Variants in TRIP12 observed in about 807,000 individuals in gnomAD.
TRIP12 encodes thyroid hormone receptor interactor 12.
TRIP12 carries 25 observed loss-of-function variants against 244.2 expected under a neutral mutation model. The ratio of observed to expected loss-of-function variants is 0.10; its 90% CI spans 0.07 to 0.14. The LOEUF (loss-of-function observed/expected upper bound fraction) is 0.14. TRIP12 is among the 10% of genes least tolerant of loss of function. TRIP12 has a pLI of 1.00. For synonymous variants in TRIP12, 905 were observed against 873.1 expected (o/e 1.04, Z -0.64); for missense variants, 1,677 against 2,486.4 (o/e 0.67, Z 6.92).
intron 1 of TRIP12, among the ~76,000 whole-genome samples, chr2:229,892,761 G>A (rs1028477139): frequency 3.3e-5 from 5 of 152,072 alleles, no homozygotes; most frequent in African/African-American, 1.2e-4. Flanking sequence ...AGCGACTTTC[G>A]GGGCTGAGGT....
At chr2:229,922,371 G>A, upstream of TRIP12, 1 of 772,434 alleles carries the variant, frequency 1.3e-6, no homozygotes, top group Non-Finnish European at 2.1e-6. Context: ...AAGACCCTTG[G>A]AAGAGGGGAC....
At chr2:229,872,331 A>C (rs1289645678) in intron 2 of TRIP12, among the ~76,000 whole-genome samples, 1 of 152,156 alleles carries the variant, frequency 6.6e-6, no homozygotes, top group Non-Finnish European at 1.5e-5. Context: ...TGGGAGGCCA[A>C]GAGGGGCAGA....
intron 24 of TRIP12, 34 bp downstream of exon 24, chr2:229,797,656 G>T: frequency 6.2e-7 from 1 of 1,606,222 alleles, no homozygotes; most frequent in South Asian, 1.1e-5. Flanking sequence ...GGAAGAGACT[G>T]AAAAAGACCA....
chr2:229,836,342 A>T (rs2054813846), intron 6 of TRIP12, among the ~76,000 whole-genome samples: 1 of 152,228 alleles, frequency 6.6e-6, no homozygotes, highest in Admixed American at 6.5e-5. Context: ...GTTTTGGTAC[A>T]GGTAATGGGT....
intron 5 of TRIP12, among the ~76,000 whole-genome samples, 194 bp from the exon 6 acceptor site, chr2:229,837,178 T>C (rs2055046044): frequency 2.0e-5 from 3 of 152,234 alleles, no homozygotes; most frequent in Non-Finnish European, 2.9e-5. Flanking sequence ...CAAGTTATAT[T>C]GCATTTACAA....
At chr2:229,768,986 T>A (rs2033055431) in intron 40 of TRIP12, among the ~76,000 whole-genome samples, 1 of 152,170 alleles carries the variant, frequency 6.6e-6, no homozygotes, top group Non-Finnish European at 1.5e-5. Context: ...CAAGATTAAA[T>A]CTGTCTTCCC....
chr2:229,906,303 C>CAA (rs34519454), intron 1 of TRIP12, among the ~76,000 whole-genome samples: 99 of 98,928 alleles, frequency 1.0e-3, no homozygotes, highest in Middle Eastern at 5.7e-3. Context: ...GAGACTGTCT[C>CAA]AAAAAAAAAA....
chr2:229,915,964 G>C (rs1003840079), intron 1 of TRIP12, among the ~76,000 whole-genome samples: 2 of 152,144 alleles, frequency 1.3e-5, no homozygotes, highest in Non-Finnish European at 2.9e-5. Flanking sequence ...CAAAGTTCTG[G>C]AATTACAGGC....
intron 4 of TRIP12, among the ~76,000 whole-genome samples, chr2:229,848,529 T>C (rs938067465): frequency 6.6e-6 from 1 of 152,018 alleles, no homozygotes; most frequent in African/African-American, 2.4e-5. Flanking sequence ...GATGTAGAAA[T>C]CTACCAGAAA....
At chr2:229,834,481 C>G (rs2054249480) in intron 6 of TRIP12, among the ~76,000 whole-genome samples, 1 of 152,168 alleles carries the variant, frequency 6.6e-6, no homozygotes, top group Non-Finnish European at 1.5e-5. Flanking sequence ...CATAGCAGAC[C>G]AGGTGCAGAG....
At chr2:229,791,455 G>A (rs2041505559) in intron 29 of TRIP12, among the ~76,000 whole-genome samples, 1 of 152,182 alleles carries the variant, frequency 6.6e-6, no homozygotes, top group Admixed American at 6.5e-5. Context: ...GAAACTCCAA[G>A]GGTGGTTCTG....
At chr2:229,811,066 A>G (rs1256319200) in intron 14 of TRIP12, 21 bp from the exon 15 acceptor site, 6 of 1,613,628 alleles carry the variant, frequency 3.7e-6, no homozygotes, top group Non-Finnish European at 5.1e-6. Flanking sequence ...ACAAGAATAA[A>G]GGAATTATTA....
chr2:229,774,358 TA>T (rs2035543817), intron 37 of TRIP12, 97 bp from the exon 38 acceptor site: 7 of 1,286,356 alleles, frequency 5.4e-6, no homozygotes, highest in Non-Finnish European at 7.4e-6. Context: ...TAAGCTATCC[TA>T]ATAAAGCTGA....
chr2:229,915,546 A>G (rs2075214730), intron 1 of TRIP12, among the ~76,000 whole-genome samples: 1 of 152,156 alleles, frequency 6.6e-6, no homozygotes. Context: ...CAAACGCTTA[A>G]TCCCTATCAT....
intron 39 of TRIP12, 143 bp from the exon 40 acceptor site, chr2:229,769,468 A>AAT (rs375404706): frequency 0.02 from 8,333 of 407,826 alleles, 634 homozygotes; most frequent in African/African-American, 0.16. Context: ...AAAAAAAAAA[A>AAT]AATAATAATA....
intron 17 of TRIP12, 140 bp downstream of exon 17, chr2:229,807,568 T>C (rs2046182263): frequency 9.1e-7 from 1 of 1,095,162 alleles, no homozygotes; most frequent in Non-Finnish European, 1.4e-6. Flanking sequence ...AGGACCTTGT[T>C]CTCAGGAGAC....
At chr2:229,884,236 C>CGT (rs2065489614) in intron 1 of TRIP12, among the ~76,000 whole-genome samples, 1 of 123,582 alleles carries the variant, frequency 8.1e-6, no homozygotes, top group African/African-American at 3.1e-5. Context: ...TTTTTCTTTT[C>CGT]TTTTTTTTTT....
intron 1 of TRIP12, among the ~76,000 whole-genome samples, chr2:229,895,833 C>T (rs2068657237): frequency 6.6e-6 from 1 of 152,062 alleles, no homozygotes; most frequent in Non-Finnish European, 1.5e-5. Flanking sequence ...TAAAAGACAT[C>T]TAAACCCAGA....
At chr2:229,848,030 G>A (rs927951638) in intron 4 of TRIP12, among the ~76,000 whole-genome samples, 1 of 152,034 alleles carries the variant, frequency 6.6e-6, no homozygotes, top group Non-Finnish European at 1.5e-5. Flanking sequence ...GGCACTTAGG[G>A]CTTCACCTTG....
Sources: allele counts gnomAD v4.1 joint callset (sites outside exome capture counted in the v4.1 genomes callset), GRCh38; gene constraint gnomAD v4.1.1; transcripts MANE v1.5; gene names NCBI Gene and HGNC (gene_info 2026-07-23, HGNC 2026-07-21).